Variants in GLB1 observed in about 807,000 individuals in gnomAD.
The protein encoded by GLB1 is beta-galactosidase.
GLB1 carries 56 observed loss-of-function variants against 74.0 expected under a neutral mutation model. That is an observed-to-expected ratio of 0.76 (90% CI 0.61 to 0.94). The LOEUF is 0.94. GLB1 is among the 40% of genes least tolerant of loss of function. The pLI is 0.00. For synonymous variants in GLB1, 323 were observed against 323.6 expected, an observed-to-expected ratio of 1.00 and a Z score of 0.02; for missense variants, 787 against 845.5, an observed-to-expected ratio of 0.93 and a Z score of 0.86.
At chr3:32,968,703 C>A in the GLB1 span, among the ~76,000 whole-genome samples, 2 of 152,122 alleles carry the variant, frequency 1.3e-5, no homozygotes, top group Non-Finnish European at 2.9e-5. Flanking sequence ...GGAGGCCAAC[C>A]AGGAGAAGGC....
chr3:33,045,426 T>A lies in GLB1; in HGVS notation c.1068+694A>T, dbSNP rs913807811. On this transcript the variant is annotated intron_variant, in intron 10 of 15. Coordinates refer to ENST00000307363, the MANE Select transcript of GLB1 (RefSeq NM_000404.4). Reference sequence around the variant, plus strand: ...TTGGCTTAAGGTTGAAGAAATAGTGTCCAGGTTCAAAATCTGGTGTTCCTC... The same window carrying A: ...TTGGCTTAAGGTTGAAGAAATAGTGACCAGGTTCAAAATCTGGTGTTCCTC... The A allele has an allele frequency of 1.2e-5, 12 of 985,206 alleles. No homozygotes were observed. The Admixed American group carries it at 6.1e-4, about 50-fold the overall frequency. The allele number at this position is 985,206 out of a possible 1,614,324, so 61.0% of individuals were successfully genotyped here.
At chr3:33,079,783 GT>G (rs1386171842) in intron 1 of GLB1, among the ~76,000 whole-genome samples, 1 of 152,126 alleles carries the variant, frequency 6.6e-6, no homozygotes. Flanking sequence ...AGAGGAGAGA[GT>G]TTTTTGTTTT....
In GLB1 at chr3:33,013,939, C is replaced by T. The variant is rs1018848906; in HGVS notation, c.1734+117G>A. The stretch of plus-strand genomic sequence containing the variant: ...TCCGCCTCCTGAAGAATGTCCGAAA[C>T]GCCACACTCAAAACCATCACACGAT... On this transcript the variant is annotated intron_variant, in intron 15 of 15. Coordinates refer to ENST00000307363, the MANE Select transcript of GLB1 (RefSeq NM_000404.4). 2.5e-5 allele frequency: 39 copies of T among 1,557,376 alleles called. No homozygotes were observed. The East Asian group carries it at 4.1e-4, about 17-fold the overall frequency.
chr3:33,039,398 A>T (rs1698413848), intron 10 of GLB1, among the ~76,000 whole-genome samples: 1 of 152,180 alleles, frequency 6.6e-6, no homozygotes, highest in African/African-American at 2.4e-5. Context: ...TAGACATACA[A>T]CAAAAGAAGA....
chr3:33,016,878 G>C, intron 13 of GLB1, 38 bp from the exon 14 acceptor site: 1 of 1,610,332 alleles, frequency 6.2e-7, no homozygotes, highest in Non-Finnish European at 8.5e-7. Context: ...TGAATTGAGG[G>C]TAAGAAGGTC....
At chr3:33,058,717 A>G (rs1002883871) in intron 5 of GLB1, among the ~76,000 whole-genome samples, 6 of 152,012 alleles carry the variant, frequency 3.9e-5, no homozygotes, top group African/African-American at 1.5e-4. Flanking sequence ...AGACCCACAC[A>G]CTCCCCAAAT....
chr3:33,031,672 T>TATAA (rs1698047438), intron 10 of GLB1, among the ~76,000 whole-genome samples: 3 of 114,858 alleles, frequency 2.6e-5, no homozygotes, highest in South Asian at 5.9e-4. Context: ...TATATATATA[T>TATAA]ATAATCTCCA....
At chr3:33,033,457 G>A (rs1299900142) in intron 10 of GLB1, among the ~76,000 whole-genome samples, 2 of 152,146 alleles carry the variant, frequency 1.3e-5, no homozygotes, top group Non-Finnish European at 2.9e-5. Flanking sequence ...AAACATTGTG[G>A]CCATCTGAAG....
At chr3:32,971,566 A>G in the GLB1 span, among the ~76,000 whole-genome samples, 1 of 152,252 alleles carries the variant, frequency 6.6e-6, no homozygotes, top group Non-Finnish European at 1.5e-5. Context: ...CACTTCGCCT[A>G]ACCTTGCCGG....
chr3:33,051,052 C>A (rs1698954047), intron 9 of GLB1, among the ~76,000 whole-genome samples: 2 of 151,608 alleles, frequency 1.3e-5, no homozygotes, highest in Non-Finnish European at 2.9e-5. Context: ...CACGGTGAAA[C>A]CCCGTCTCTA....
rs141893647 is a variant in GLB1 at position 33,021,924 on chromosome 3, T to C, written c.1144-269A>G. Among the ~76,000 whole-genome samples, 587 of 152,268 alleles carry C rather than the reference T, an allele frequency of 3.9e-3. 7 individuals carry two copies. The highest frequency in any genetic ancestry group is 0.013 in the African/African-American group (546 of 41,540). On this transcript the variant is annotated intron_variant, in intron 11 of 15. Transcript: ENST00000307363. ...GAAGTCCAACCTGCTCAGAGACCTA[T>C]AAAAGATTCTTAAAATGAATGAAAA...
intron 1 of GLB1, among the ~76,000 whole-genome samples, chr3:33,081,556 A>G (rs745369221): frequency 2.0e-5 from 3 of 152,292 alleles, no homozygotes; most frequent in Non-Finnish European, 4.4e-5. Context: ...CTCTCCCTTC[A>G]GGAAGGAAGG....
Position 33,033,179 on chromosome 3 carries a change from C to G in GLB1, c.1069-8854G>C, listed in dbSNP as rs377402106. Among the ~76,000 whole-genome samples, 12 of 152,262 alleles carry G rather than the reference C, an allele frequency of 7.9e-5. No individual in the cohort carries two copies. In the South Asian group the frequency reaches 2.3e-3, roughly 29 times the overall value. On this transcript the variant is annotated intron_variant, in intron 10 of 15. Transcript: ENST00000307363. ...ACAATTATGCCTAAAGGCACCCAGC[C>G]CCGGAAGTACATGGGTTGTGGAGAA...
At chr3:32,978,586 C>G in the GLB1 span, among the ~76,000 whole-genome samples, 1,150 of 152,158 alleles carry the variant, frequency 7.6e-3, 11 homozygotes, top group African/African-American at 0.026. Flanking sequence ...TTTGCAACAA[C>G]TCGGCAGAGA....
the GLB1 span, among the ~76,000 whole-genome samples, chr3:32,963,490 A>G: frequency 6.6e-6 from 1 of 152,222 alleles, no homozygotes; most frequent in South Asian, 2.1e-4. Context: ...AGAAAAAGTC[A>G]AAAGACAAAT....
At chr3:32,975,059 C>T in the GLB1 span, among the ~76,000 whole-genome samples, 1 of 152,136 alleles carries the variant, frequency 6.6e-6, no homozygotes, top group Non-Finnish European at 1.5e-5. Context: ...GAATGAATCC[C>T]ACTTTGAGGC....
intron 10 of GLB1, chr3:33,034,955 T>TATTTTAAA (rs1698207335): frequency 4.2e-6 from 1 of 240,078 alleles, no homozygotes. Context: ...GATGTTCAAA[T>TATTTTAAA]CTATTATTTT....
intron 15 of GLB1, among the ~76,000 whole-genome samples, chr3:33,009,979 C>T (rs1696954781): frequency 6.6e-6 from 1 of 152,224 alleles, no homozygotes; most frequent in Non-Finnish European, 1.5e-5. Context: ...TATGGATATA[C>T]ATGCTTTCTC....
At chr3:32,975,428 C>A in the GLB1 span, among the ~76,000 whole-genome samples, 1 of 152,000 alleles carries the variant, frequency 6.6e-6, no homozygotes, top group African/African-American at 2.4e-5. Context: ...AGGCATCTTC[C>A]CATTAAACAA....
Sources: allele counts gnomAD v4.1 joint callset (sites outside exome capture counted in the v4.1 genomes callset), GRCh38; gene constraint gnomAD v4.1.1; transcripts MANE v1.5; gene names NCBI Gene and HGNC (gene_info 2026-07-23, HGNC 2026-07-21).